TJP1: variants seen among roughly 807,000 people sequenced by gnomAD.
TJP1 encodes tight junction protein ZO-1.
In TJP1, 43 loss-of-function variants were observed where a neutral mutation model predicts 194.2. That is an observed-to-expected ratio of 0.22 (90% confidence interval 0.17 to 0.29). The LOEUF (loss-of-function observed/expected upper bound fraction) is 0.29, where lower values mean the gene tolerates loss of function less well. Among genes scored for constraint, TJP1 ranks in the 10% least tolerant of loss-of-function variants. The pLI is 1.00. For synonymous variants in TJP1, 801 were observed against 779.0 expected (o/e 1.03, Z -0.47); for missense variants, 1,971 against 2,185.7 (o/e 0.90, Z 1.96).
chr15:29,748,821 A>C (rs139186549), intron 8 of TJP1, among the ~76,000 whole-genome samples: 9 of 151,704 alleles, frequency 5.9e-5, no homozygotes, highest in African/African-American at 2.2e-4. Flanking sequence ...TTATCCTCCT[A>C]CTTCGGCTTC....
At chr15:29,713,046 G>A (rs529428395) in intron 23 of TJP1, among the ~76,000 whole-genome samples, 1 of 152,272 alleles carries the variant, frequency 6.6e-6, no homozygotes, top group African/African-American at 2.4e-5. Context: ...GAAGCTGCAT[G>A]CTTGATGCTC....
chr15:29,884,150 T>C (rs1181307620), intron 2 of TJP1, among the ~76,000 whole-genome samples: 1 of 152,258 alleles, frequency 6.6e-6, no homozygotes, highest in Non-Finnish European at 1.5e-5. Context: ...TACTTGTTGC[T>C]GTGTTGAACT....
chr15:29,857,978 G>A (rs1443856841), intron 2 of TJP1, among the ~76,000 whole-genome samples: 1 of 152,096 alleles, frequency 6.6e-6, no homozygotes, highest in Non-Finnish European at 1.5e-5. Context: ...GGCCAGGCTG[G>A]TCTCGAACTC....
chr15:29,774,529 G>A (rs1001972037), intron 2 of TJP1, among the ~76,000 whole-genome samples: 7 of 152,152 alleles, frequency 4.6e-5, no homozygotes, highest in South Asian at 2.1e-4. Flanking sequence ...CTATTATTCC[G>A]TTTATATAAA....
At chr15:29,950,032 C>A (rs1596313875) in intron 2 of TJP1, among the ~76,000 whole-genome samples, 9 of 51,162 alleles carry the variant, frequency 1.8e-4, no homozygotes, top group Non-Finnish European at 2.5e-4. Flanking sequence ...CCTCCACCTT[C>A]ACCACCACCT....
chr15:29,928,516 G>A (rs2054596317), intron 2 of TJP1, among the ~76,000 whole-genome samples: 1 of 152,122 alleles, frequency 6.6e-6, no homozygotes, highest in Admixed American at 6.5e-5. Flanking sequence ...GTGACTCTAT[G>A]GCAAGGTTAT....
chr15:29,906,608 C>G (rs1453703406), intron 2 of TJP1, among the ~76,000 whole-genome samples: 5 of 151,810 alleles, frequency 3.3e-5, no homozygotes, highest in Non-Finnish European at 7.4e-5. Flanking sequence ...GAGACAGAGT[C>G]TCACTCTGTC....
In TJP1 at chr15:29,732,976, G is replaced by C; in HGVS notation, c.1736+118C>G. 3.1e-6 allele frequency: 4 copies of C among 1,281,344 alleles called. No individual in the cohort carries two copies. In the South Asian group the frequency reaches 5.9e-5, roughly 19 times the overall value. The allele number at this position is 1,281,344 out of a possible 1,614,324, so 79.4% of individuals were successfully genotyped here. A position where few individuals can be genotyped will look rare whatever the true frequency, so the allele number is the denominator to read the frequency against. ...AGTTTGTAAACCTAAGTCAGTTATA[G>C]ATACGTTGAATACAATGAAAAAGAA... On this transcript the variant is annotated intron_variant, in intron 13 of 27. Coordinates refer to ENST00000614355, the MANE Select transcript of TJP1 (RefSeq NM_001330239.4).
At chr15:29,867,995 T>C (rs2052366677) in intron 2 of TJP1, among the ~76,000 whole-genome samples, 1 of 149,614 alleles carries the variant, frequency 6.7e-6, no homozygotes, top group Admixed American at 6.7e-5. Flanking sequence ...GGCAGAGAGG[T>C]TGCAGTGAGC....
chr15:29,848,639 A>T (rs2051513742), intron 2 of TJP1, among the ~76,000 whole-genome samples: 1 of 152,172 alleles, frequency 6.6e-6, no homozygotes, highest in Non-Finnish European at 1.5e-5. Context: ...AGGCGAGCGG[A>T]TCACAAGGTC....
intron 2 of TJP1, among the ~76,000 whole-genome samples, chr15:29,934,218 T>C (rs767200560): frequency 3.9e-5 from 6 of 152,218 alleles, no homozygotes; most frequent in Non-Finnish European, 5.9e-5. Flanking sequence ...TTTGATATTA[T>C]TTTTTGATGA....
rs2044105043 is a variant in TJP1 at position 29,737,398 on chromosome 15, C to T, written c.1273G>A (p.Val425Ile). The T allele has an allele frequency of 1.2e-6, 2 of 1,614,038 alleles. No homozygotes were observed. Among genetic ancestry groups the T allele is most frequent in the Non-Finnish European group, 1.7e-6 (2 of 1,180,028 alleles). Residue 425 changes from valine (V) to isoleucine (I), a missense_variant, in exon 11 of 28, where the codon GTA becomes ATA. Physicochemically the swap from Val to Ile is conservative, Grantham distance 29 (BLOSUM62 3). Transcript: ENST00000614355. ...ACACTATCTCCTTTTCTGAATTTTA[C>T]CAATTTCATGCTGGGCCTGTTAAAA... ...DGILRPSMKL[V>I]KFRKGDSVGL...
chr15:29,812,073 T>A (rs1426507719), intron 1 of TJP1, among the ~76,000 whole-genome samples: 1 of 152,228 alleles, frequency 6.6e-6, no homozygotes, highest in Non-Finnish European at 1.5e-5. Flanking sequence ...CTTGTTTGCA[T>A]TTTTACATTT....
In TJP1 at chr15:29,701,337, AC is replaced by A. The variant is rs1247624630; in HGVS notation, c.*257del. On this transcript the variant is annotated 3_prime_UTR_variant, in exon 28 of 28. Coordinates refer to ENST00000614355, the MANE Select transcript of TJP1 (RefSeq NM_001330239.4). ...GTTAAGCAGTGACGATAAAAAAATT[AC>A]AAAAATCACAAAGCAAAATATCTTT... 1 of 366,346 alleles carries A rather than the reference AC, an allele frequency of 2.7e-6. No individual in the cohort carries two copies. The highest frequency in any genetic ancestry group is 4.1e-5 in the East Asian group (1 of 24,606). 22.7% of individuals were successfully genotyped at this position (366,346 alleles called of 1,614,324 possible). A position where few individuals can be genotyped will look rare whatever the true frequency, so the allele number is the denominator to read the frequency against.
At chr15:29,945,407 T>C (rs2055240148) in intron 2 of TJP1, among the ~76,000 whole-genome samples, 2 of 152,340 alleles carry the variant, frequency 1.3e-5, no homozygotes, top group South Asian at 4.1e-4. Context: ...TTTCAACAAG[T>C]ACTTATCGAG....
At chr15:29,720,148 C>T in intron 19 of TJP1, 132 bp from the exon 20 acceptor site, 1 of 1,296,850 alleles carries the variant, frequency 7.7e-7, no homozygotes, top group Non-Finnish European at 1.0e-6. Flanking sequence ...ATGTCCTAAA[C>T]TTTTTGGGAA....
intron 16 of TJP1, 36 bp from the exon 17 acceptor site, chr15:29,727,027 A>G (rs769653603): frequency 6.3e-7 from 1 of 1,576,832 alleles, no homozygotes; most frequent in South Asian, 1.1e-5. Flanking sequence ...CAAAGACACA[A>G]GACATCATTA....
At chr15:29,793,979 A>G (rs1015416944) in intron 2 of TJP1, among the ~76,000 whole-genome samples, 4 of 152,180 alleles carry the variant, frequency 2.6e-5, no homozygotes, top group African/African-American at 7.2e-5. Flanking sequence ...TTTTGGTACC[A>G]GGGAAATACT....
chr15:29,822,017 T>C lies in TJP1; in HGVS notation c.12A>G (p.Arg4=). The change falls in exon 1 of 28, where the codon AGA becomes AGG. Residue 4 remains arginine, a synonymous_variant. Coordinates refer to ENST00000614355, the MANE Select transcript of TJP1 (RefSeq NM_001330239.4). The part of the protein sequence containing the change: MSA[R]AAAAKSTAME... ...AGGCGCTCACCTTGGCGGCCGCAGC[T>C]CTGGCGGACATCTTGTCTCTCTCCA... The C allele has an allele frequency of 2.2e-6, 3 of 1,354,016 alleles. No homozygotes were observed. The highest frequency in any genetic ancestry group is 1.9e-6 in the Non-Finnish European group (2 of 1,050,142). The allele number at this position is 1,354,016 out of a possible 1,614,324, so 83.9% of individuals were successfully genotyped here.
Sources: allele counts gnomAD v4.1 joint callset (sites outside exome capture counted in the v4.1 genomes callset), GRCh38; gene constraint gnomAD v4.1.1; transcripts MANE v1.5; gene names NCBI Gene and HGNC (gene_info 2026-07-23, HGNC 2026-07-21).